TRANK1: variants seen among roughly 807,000 people sequenced by gnomAD.
TRANK1 encodes the protein tetratricopeptide repeat and ankyrin repeat containing 1.
Under a neutral mutation model 266.0 loss-of-function variants are expected in TRANK1, and 198 were observed. That is an observed-to-expected ratio of 0.74 (90% CI 0.66 to 0.84). The LOEUF (loss-of-function observed/expected upper bound fraction) is 0.84, where lower values mean the gene tolerates loss of function less well. Among genes scored for constraint, TRANK1 ranks in the 40% least tolerant of loss-of-function variants. The probability of loss-of-function intolerance (pLI) is 0.00; values close to 1 mark genes in which losing one functional copy is unlikely to be tolerated. For synonymous variants in TRANK1, 1,396 were observed against 1,384.1 expected (o/e 1.01, Z -0.19); for missense variants, 3,326 against 3,634.6 (o/e 0.92, Z 2.18).
Position 36,834,860 on chromosome 3 carries a change from G to T in TRANK1, c.5565C>A (p.Asp1855Glu), listed in dbSNP as rs377518707. Residue 1855 changes from aspartate to glutamate, a missense_variant, in exon 21 of 24, where the codon GAC becomes GAA. By Grantham distance (45) the Asp-to-Glu change is conservative. Coordinates refer to ENST00000645898, the MANE Select transcript of TRANK1 (RefSeq NM_001329998.2). ...GAATCTGCTCAAAGCATCTGAAAGC[G>T]TCTTTGTAGCACTGGCTTCGCTTAT... ...YFYKRSQCYKDAFRCFEQIQE... is the reference protein window; with the variant it reads ...YFYKRSQCYKEAFRCFEQIQE... 1.2e-6 allele frequency: 2 copies of T among 1,613,588 alleles called. No homozygotes were observed. Among genetic ancestry groups the T allele is most frequent in the Non-Finnish European group, 1.7e-6 (2 of 1,179,740 alleles).
intron 1 of TRANK1, among the ~76,000 whole-genome samples, chr3:36,932,762 T>C (rs540808395): frequency 6.6e-6 from 1 of 152,346 alleles, no homozygotes; most frequent in Admixed American, 6.5e-5. Context: ...ATAAGAGCAG[T>C]GATCTTTGGG....
intron 1 of TRANK1, among the ~76,000 whole-genome samples, chr3:36,921,763 G>A (rs2080216434): frequency 6.6e-6 from 1 of 152,178 alleles, no homozygotes; most frequent in Admixed American, 6.5e-5. Context: ...GAGAATGTAG[G>A]TAGGAGCTGC....
chr3:36,879,707 T>TAC (rs2079458558), intron 8 of TRANK1, among the ~76,000 whole-genome samples: 1 of 100,714 alleles, frequency 9.9e-6, no homozygotes, highest in African/African-American at 4.3e-5. Context: ...AATATAAATA[T>TAC]AAATATATAA....
chr3:36,829,453 C>T lies in TRANK1; in HGVS notation c.8809+111G>A, dbSNP rs914318882. 30 of 935,554 alleles carry T rather than the reference C, an allele frequency of 3.2e-5. No homozygotes were observed. The African/African-American group carries it at 3.4e-4, about 11-fold the overall frequency. 58.0% of individuals were successfully genotyped at this position (935,554 alleles called of 1,614,324 possible). A position where few individuals can be genotyped will look rare whatever the true frequency, so the allele number is the denominator to read the frequency against. On this transcript the variant is annotated intron_variant, in intron 23 of 23. Transcript: ENST00000645898. ...GGTGATGCTCCTAGACAGTGAGAGT[C>T]CACTATTGACATCACTGGGCTGCCC...
Position 36,944,945 on chromosome 3 carries a change from C to T in TRANK1, c.-136G>A, listed in dbSNP as rs1378224575. On this transcript the variant is annotated 5_prime_UTR_variant, in exon 1 of 24. Coordinates refer to ENST00000645898, the MANE Select transcript of TRANK1 (RefSeq NM_001329998.2). ...CAGGGGCGGCGCGATGCAGAGGCGG[C>T]GTTCGGGGGCCCCCAGCTGCCTGCG... 18 of 915,782 alleles carry T rather than the reference C, an allele frequency of 2.0e-5. No homozygotes were observed. Among genetic ancestry groups the T allele is most frequent in the Middle Eastern group, 3.6e-4 (1 of 2,744 alleles). The allele number at this position is 915,782 out of a possible 1,614,324, so 56.7% of individuals were successfully genotyped here.
chr3:36,922,852 T>C (rs1007105752), intron 1 of TRANK1, among the ~76,000 whole-genome samples: 1 of 152,032 alleles, frequency 6.6e-6, no homozygotes, highest in South Asian at 2.1e-4. Flanking sequence ...AAGTACTCCA[T>C]AGTCATACGT....
intron 2 of TRANK1, among the ~76,000 whole-genome samples, chr3:36,906,910 G>A (rs887123888): frequency 3.3e-5 from 5 of 152,148 alleles, no homozygotes; most frequent in South Asian, 2.1e-4. Flanking sequence ...GCAGCAACAG[G>A]AAACTAATAC....
At chr3:36,909,493 C>T (rs2080021753) in intron 1 of TRANK1, among the ~76,000 whole-genome samples, 1 of 152,104 alleles carries the variant, frequency 6.6e-6, no homozygotes, top group African/African-American at 2.4e-5. Flanking sequence ...AGTATTGCTT[C>T]CTCTCAAGAT....
chr3:36,902,705 C>T (rs2079901324), intron 3 of TRANK1, among the ~76,000 whole-genome samples: 1 of 152,234 alleles, frequency 6.6e-6, no homozygotes, highest in South Asian at 2.1e-4. Flanking sequence ...GTGTCACCCA[C>T]CCAGCTTGCA....
At chr3:36,929,789 G>A (rs549066846) in intron 1 of TRANK1, among the ~76,000 whole-genome samples, 1 of 152,374 alleles carries the variant, frequency 6.6e-6, no homozygotes, top group Admixed American at 6.5e-5. Flanking sequence ...TTATCAGGGT[G>A]AGCGCAATCT....
At position 36,857,632 on chromosome 3, in the gene TRANK1, A is replaced by G; in HGVS notation, c.2090T>C (p.Leu697Pro). 6.2e-7 allele frequency: 1 copy of G among 1,614,026 alleles called. No individual in the cohort carries two copies. The highest frequency in any genetic ancestry group is 1.1e-5 in the South Asian group (1 of 91,076). Residue 697 changes from leucine to proline, a missense_variant, in exon 13 of 24, where the codon CTG becomes CCG. Physicochemically the swap from Leu to Pro is moderately conservative, Grantham distance 98 (BLOSUM62 -3). Coordinates refer to ENST00000645898, the MANE Select transcript of TRANK1 (RefSeq NM_001329998.2). This position sits in a 1 kb window ranked among gnomAD's most constrained non-coding sequence, Gnocchi z 4.3. ...GTCAGGGACTGCACTTCCTTCAGGC[A>G]GTGTTCTGGCAGTGGCACCACATGG... is the stretch of plus-strand genomic sequence containing the variant. ...SVPCGATART[L>P]PEGSAVPDSW...
intron 1 of TRANK1, among the ~76,000 whole-genome samples, chr3:36,914,012 C>T (rs1401321291): frequency 6.6e-6 from 1 of 152,198 alleles, no homozygotes; most frequent in Non-Finnish European, 1.5e-5. Flanking sequence ...ACGAGACCAG[C>T]TCCGAACTGT....
At chr3:36,830,756 A>T in intron 22 of TRANK1, 117 bp downstream of exon 22, 1 of 1,173,040 alleles carries the variant, frequency 8.5e-7, no homozygotes, top group Non-Finnish European at 1.2e-6. Context: ...TATTTCTTCT[A>T]AGGCCAAGAT....
At position 36,892,862 on chromosome 3, in the gene TRANK1, TATATATATAG is replaced by T. The variant is rs556400345; in HGVS notation, c.636+29_636+38del. On this transcript the variant is annotated intron_variant, in intron 6 of 23. Coordinates refer to ENST00000645898, the MANE Select transcript of TRANK1 (RefSeq NM_001329998.2). ...CAAAACAAAACAAAACATATATATA[TATATATATAG>T]ATATATATAGATATATATATCACCT... 5,908 of 738,890 alleles carry T rather than the reference TATATATATAG, an allele frequency of 8.0e-3. 32 individuals carry two copies. Among genetic ancestry groups the T allele is most frequent in the South Asian group, 0.011 (248 of 21,982 alleles). 45.8% of individuals were successfully genotyped at this position (738,890 alleles called of 1,614,324 possible). A position where few individuals can be genotyped will look rare whatever the true frequency, so the allele number is the denominator to read the frequency against.
intron 1 of TRANK1, among the ~76,000 whole-genome samples, chr3:36,919,408 T>A (rs2080182540): frequency 6.6e-6 from 1 of 152,234 alleles, no homozygotes; most frequent in African/African-American, 2.4e-5. Flanking sequence ...CCCTCTTTCC[T>A]TAAAGATTAT....
intron 3 of TRANK1, among the ~76,000 whole-genome samples, chr3:36,900,752 C>G (rs1194546603): frequency 2.7e-5 from 4 of 148,928 alleles, no homozygotes; most frequent in Non-Finnish European, 5.9e-5. Flanking sequence ...CATGGTGGTG[C>G]AAGCCTGTAG....
intron 8 of TRANK1, among the ~76,000 whole-genome samples, chr3:36,878,042 C>CAGCTGTGGA (rs1553623925): frequency 6.6e-6 from 1 of 151,724 alleles, no homozygotes; most frequent in Admixed American, 6.6e-5. Flanking sequence ...CCCCAACCCC[C>CAGCTGTGGA]CAGGTGCTGG....
chr3:36,940,223 C>T (rs374631788), intron 1 of TRANK1, among the ~76,000 whole-genome samples: 6 of 151,292 alleles, frequency 4.0e-5, no homozygotes, highest in African/African-American at 1.2e-4. Context: ...CTTGGCCGGG[C>T]GCAGTGGCTC....
rs1479150845 is a variant in TRANK1 at position 36,879,866 on chromosome 3, G to A, written c.908-5570C>T. On this transcript the variant is annotated intron_variant, in intron 8 of 23. Transcript: ENST00000645898. Reference sequence around the variant, plus strand: ...AATATATGTAAATATACAAATATATGTAAACATACAAATATATGTAAACAT... The same window carrying A: ...AATATATGTAAATATACAAATATATATAAACATACAAATATATGTAAACAT... 4.5e-5 allele frequency among the ~76,000 whole-genome samples: 4 copies of A among 89,010 alleles called. 1 individual carries two copies. The highest frequency in any genetic ancestry group is 6.1e-5 in the Non-Finnish European group (3 of 49,274). 58.4% of individuals were successfully genotyped at this position (89,010 alleles called of 152,430 possible). A position where few individuals can be genotyped will look rare whatever the true frequency, so the allele number is the denominator to read the frequency against.
Sources: allele counts gnomAD v4.1 joint callset (sites outside exome capture counted in the v4.1 genomes callset), GRCh38; gene constraint gnomAD v4.1.1; non-coding constraint Gnocchi (gnomAD v3.1); transcripts MANE v1.5; gene names NCBI Gene and HGNC (gene_info 2026-07-23, HGNC 2026-07-21).